Variants in FBXL13 observed in about 807,000 individuals in gnomAD.
FBXL13 encodes F-box and leucine-rich repeat protein 13.
FBXL13 carries 67 observed loss-of-function variants against 83.6 expected under a neutral mutation model. The ratio of observed to expected loss-of-function variants is 0.80; its 90% CI spans 0.66 to 0.98. The LOEUF is 0.98. Ranked by LOEUF, FBXL13 falls within the 50% of genes least tolerant of loss-of-function variation. FBXL13 has a pLI of 0.00. For missense variants in FBXL13, 822 were observed against 866.5 expected (o/e 0.95, Z 0.64); for synonymous variants, 272 against 299.5 (o/e 0.91, Z 0.95).
intron 17 of FBXL13, among the ~76,000 whole-genome samples, chr7:102,851,509 T>C (rs1018274690): frequency 7.2e-6 from 1 of 139,214 alleles, no homozygotes; most frequent in East Asian, 2.5e-4. Context: ...CTCCTTCTTC[T>C]TTTCTTCTTC....
At chr7:103,035,664 T>A (rs1051045454) in intron 2 of FBXL13, among the ~76,000 whole-genome samples, 7 of 152,196 alleles carry the variant, frequency 4.6e-5, no homozygotes, top group Non-Finnish European at 7.3e-5. Context: ...AAGTATCTAG[T>A]AAAGTATTAA....
intron 6 of FBXL13, among the ~76,000 whole-genome samples, chr7:103,003,683 G>A (rs1488923725): frequency 1.3e-5 from 2 of 152,166 alleles, no homozygotes; most frequent in Non-Finnish European, 2.9e-5. Flanking sequence ...CTGGGTCCAA[G>A]TGATTCTTGT....
At chr7:102,935,225 CCTTTTTTTTTTTCTTT>C in intron 8 of FBXL13, among the ~76,000 whole-genome samples, 2 of 141,706 alleles carry the variant, frequency 1.4e-5, no homozygotes, top group African/African-American at 5.2e-5. Context: ...TGCTCATGCT[CCTTTTTTTTTTTCTTT>C]CTTTTTTTTT....
chr7:102,900,586 A>G (rs1812842535), intron 11 of FBXL13, among the ~76,000 whole-genome samples: 1 of 152,220 alleles, frequency 6.6e-6, no homozygotes, highest in Non-Finnish European at 1.5e-5. Context: ...AGAGCTGAAG[A>G]GGTAGATAGA....
chr7:103,031,407 T>C (rs1201561478), intron 2 of FBXL13: 2 of 152,232 alleles, frequency 1.3e-5, no homozygotes, highest in African/African-American at 2.4e-5. Context: ...TATATATGTA[T>C]TGATCCATCA....
chr7:103,021,149 A>G (rs1347596778), intron 6 of FBXL13, among the ~76,000 whole-genome samples: 1 of 152,236 alleles, frequency 6.6e-6, no homozygotes, highest in Non-Finnish European at 1.5e-5. Context: ...AGACCAATGG[A>G]ACAGAACAGA....
In FBXL13 at chr7:103,000,343, T is replaced by G. The variant is rs537167915; in HGVS notation, c.495+24720A>C. Among the ~76,000 whole-genome samples the G allele has an allele frequency of 7.2e-5, 11 of 152,284 alleles. No individual in the cohort carries two copies. In the East Asian group the frequency reaches 2.1e-3, roughly 29 times the overall value. ...CTGGCCAACAGAGCAAGACCCTTAC[T>G]CTATTTTTTCAATTAAAAAACAATG... On this transcript the variant is annotated intron_variant, in intron 6 of 19. Coordinates refer to ENST00000313221, the Ensembl canonical transcript of FBXL13.
At chr7:102,855,321 A>G (rs537157807) in intron 16 of FBXL13, among the ~76,000 whole-genome samples, 20 of 152,332 alleles carry the variant, frequency 1.3e-4, no homozygotes, top group Non-Finnish European at 2.8e-4. Flanking sequence ...GGAAGAGAAT[A>G]GATCTTTATA....
intron 16 of FBXL13, among the ~76,000 whole-genome samples, chr7:102,859,592 G>A (rs1443299989): frequency 6.6e-6 from 1 of 151,820 alleles, no homozygotes; most frequent in East Asian, 1.9e-4. Context: ...AGGAAGAGTG[G>A]AGTGGGAAGA....
chr7:102,968,760 T>C (rs1826265001), intron 6 of FBXL13, among the ~76,000 whole-genome samples: 1 of 152,244 alleles, frequency 6.6e-6, no homozygotes, highest in African/African-American at 2.4e-5. Flanking sequence ...AGGTGCTTCA[T>C]GCTATAGTTG....
chr7:102,927,061 A>G (rs909320824), intron 9 of FBXL13, among the ~76,000 whole-genome samples: 7 of 152,222 alleles, frequency 4.6e-5, no homozygotes, highest in African/African-American at 1.7e-4. Context: ...GTAAGAGAGT[A>G]GTGGGACCAT....
intron 6 of FBXL13, chr7:102,973,782 C>T (rs765546315): frequency 4.4e-5 from 33 of 758,398 alleles, no homozygotes; most frequent in Admixed American, 4.0e-4. Flanking sequence ...GTAAGTTTCC[C>T]GGGAGCCCGG....
At chr7:102,841,947 C>A (rs959346763) in intron 17 of FBXL13, among the ~76,000 whole-genome samples, 1 of 152,204 alleles carries the variant, frequency 6.6e-6, no homozygotes, top group African/African-American at 2.4e-5. Context: ...GATATCCCCA[C>A]TACCCTTCAT....
intron 6 of FBXL13, among the ~76,000 whole-genome samples, chr7:103,012,032 C>T (rs1424066854): frequency 6.6e-6 from 1 of 152,014 alleles, no homozygotes; most frequent in East Asian, 1.9e-4. Flanking sequence ...AAAAGAAGGC[C>T]ATCCCAAGAC....
intron 8 of FBXL13, among the ~76,000 whole-genome samples, chr7:102,958,017 C>G (rs1370219314): frequency 6.6e-6 from 1 of 152,080 alleles, no homozygotes; most frequent in Non-Finnish European, 1.5e-5. Context: ...ACCATTTGAC[C>G]CAGCAATCCC....
intron 2 of FBXL13, among the ~76,000 whole-genome samples, chr7:103,040,737 A>G (rs1563259420): frequency 6.6e-6 from 1 of 152,160 alleles, no homozygotes; most frequent in Non-Finnish European, 1.5e-5. Flanking sequence ...GGCTAAATAA[A>G]TAATAAAATT....
chr7:102,861,883 G>A (rs1294199404), intron 16 of FBXL13, among the ~76,000 whole-genome samples: 2 of 151,678 alleles, frequency 1.3e-5, no homozygotes, highest in Admixed American at 1.3e-4. Flanking sequence ...TCGGGAGGAT[G>A]AGGCAGGAGA....
intron 9 of FBXL13, among the ~76,000 whole-genome samples, chr7:102,931,223 G>C (rs1819113793): frequency 1.3e-5 from 2 of 152,216 alleles, no homozygotes; most frequent in African/African-American, 4.8e-5. Context: ...AGGAAACTCA[G>C]CAGCTGTAGG....
intron 16 of FBXL13, among the ~76,000 whole-genome samples, chr7:102,864,437 C>T (rs567639852): frequency 2.6e-5 from 4 of 151,876 alleles, no homozygotes; most frequent in African/African-American, 4.8e-5. Context: ...GGTGCAATTT[C>T]GGCTCACTGC....
Sources: allele counts gnomAD v4.1 joint callset (sites outside exome capture counted in the v4.1 genomes callset), GRCh38; gene constraint gnomAD v4.1.1; transcripts MANE v1.5; gene names NCBI Gene and HGNC (gene_info 2026-07-23, HGNC 2026-07-21).